Variants in DRC1 observed in about 807,000 individuals in gnomAD.
The protein encoded by DRC1 is dynein regulatory complex protein 1.
Under a neutral mutation model 98.7 loss-of-function variants are expected in DRC1, and 74 were observed. That is an observed-to-expected ratio of 0.75 (90% CI 0.62 to 0.91). The LOEUF is 0.91. Ranked by LOEUF, DRC1 falls within the 40% of genes least tolerant of loss-of-function variation. The pLI is 0.00. For synonymous variants in DRC1, 336 were observed against 334.1 expected (o/e 1.01, Z -0.06); for missense variants, 875 against 886.0 (o/e 0.99, Z 0.16).
At chr2:26,426,733 G>T (rs1252431454) in intron 4 of DRC1, among the ~76,000 whole-genome samples, 2 of 152,082 alleles carry the variant, frequency 1.3e-5, no homozygotes, top group Non-Finnish European at 2.9e-5. Flanking sequence ...GACTATTTTG[G>T]CAATTTGGAG....
chr2:26,431,565 T>A (rs1016142133), intron 6 of DRC1, among the ~76,000 whole-genome samples: 1 of 152,238 alleles, frequency 6.6e-6, no homozygotes, highest in Non-Finnish European at 1.5e-5. Context: ...ATAGACTTTT[T>A]AGAAATATAA....
chr2:26,405,741 A>G (rs1422782874), intron 1 of DRC1, among the ~76,000 whole-genome samples: 1 of 141,930 alleles, frequency 7.0e-6, no homozygotes, highest in East Asian at 2.1e-4. Context: ...GCTTACTGCA[A>G]TCTCCACCTC....
chr2:26,434,084 A>T (rs1403085779), intron 7 of DRC1, among the ~76,000 whole-genome samples: 1 of 152,244 alleles, frequency 6.6e-6, no homozygotes, highest in Non-Finnish European at 1.5e-5. Flanking sequence ...CATGCAGCTC[A>T]ACATCAAATT....
At chr2:26,430,427 A>C (rs1663401572) in intron 5 of DRC1, 1 of 449,206 alleles carries the variant, frequency 2.2e-6, no homozygotes, top group Admixed American at 2.5e-5. Flanking sequence ...GGGATCCCCA[A>C]CCATGGCAAC....
At position 26,440,530 on chromosome 2, in the gene DRC1, G is replaced by A. The variant is rs1282982368; in HGVS notation, c.1028+13G>A. 1.2e-6 allele frequency: 2 copies of A among 1,606,818 alleles called. No homozygotes were observed. Among genetic ancestry groups the A allele is most frequent in the East Asian group, 4.5e-5 (2 of 44,776 alleles). ...GGAAGATCAATCGGTAAGCTAGCAT[G>A]CAGAGCGTCTTTCTTCTGGGCCTTC... On this transcript the variant is annotated intron_variant, in intron 8 of 16. Coordinates refer to ENST00000288710, the MANE Select transcript of DRC1 (RefSeq NM_145038.5).
At chr2:26,416,856 G>C (rs1424123321) in intron 2 of DRC1, among the ~76,000 whole-genome samples, 1 of 152,098 alleles carries the variant, frequency 6.6e-6, no homozygotes, top group Non-Finnish European at 1.5e-5. Flanking sequence ...GGTTTAATTG[G>C]CTCATGGTTC....
At chr2:26,430,957 T>TC (rs1663420679) in intron 6 of DRC1, 85 bp downstream of exon 6, 1 of 712,004 alleles carries the variant, frequency 1.4e-6, no homozygotes, top group Non-Finnish European at 2.1e-6. Flanking sequence ...CCTTTTTCTA[T>TC]CTTTTTTTTT....
intron 1 of DRC1, among the ~76,000 whole-genome samples, chr2:26,410,132 T>C (rs190282484): frequency 6.0e-5 from 9 of 151,002 alleles, no homozygotes; most frequent in African/African-American, 1.7e-4. Flanking sequence ...ATAGAGCTCT[T>C]AGAAATAAAA....
At chr2:26,436,961 G>A (rs894559256) in intron 7 of DRC1, among the ~76,000 whole-genome samples, 3 of 152,184 alleles carry the variant, frequency 2.0e-5, no homozygotes, top group African/African-American at 4.8e-5. Context: ...GTGCTCATAC[G>A]TTCTCAGATG....
rs761559151 is a variant in DRC1, at chr2:26,454,668, G to A, written c.1941G>A (p.Arg647=). 6.2e-7 allele frequency: 1 copy of A among 1,614,108 alleles called. No homozygotes were observed. Among genetic ancestry groups the A allele is most frequent in the Admixed American group, 1.7e-5 (1 of 60,022 alleles). Residue 647 remains arginine, a synonymous_variant, in exon 15 of 17, where the codon AGG becomes AGA. Transcript: ENST00000288710. The surrounding 1 kb of genome is among the most constrained non-coding windows in gnomAD (Gnocchi z 5.2). ...KKPRDSRAPL[R]VQKNVRDNSK... is the part of the protein sequence containing the mutation. ...TCAGGGACTCGCGGGCCCCGCTGAG[G>A]GTACAGAAGAATGTGCGTGACAACT...
intron 11 of DRC1, among the ~76,000 whole-genome samples, 178 bp from the exon 12 acceptor site, chr2:26,449,818 A>AG (rs1663953314): frequency 6.6e-6 from 1 of 151,476 alleles, no homozygotes; most frequent in Admixed American, 6.6e-5. Flanking sequence ...CTCCCTGGGG[A>AG]GGGGGGCGTT....
chr2:26,413,344 G>C (rs560160564), intron 1 of DRC1, among the ~76,000 whole-genome samples: 2 of 152,154 alleles, frequency 1.3e-5, no homozygotes, highest in African/African-American at 4.8e-5. Flanking sequence ...ACTTGTAAAG[G>C]CTTTCTGTAA....
rs191048536 is a variant in DRC1 at position 26,423,213 on chromosome 2, G to C, written c.357-1058G>C. ...CTCTAGCCACAGAGGAATGCTGAAG[G>C]TCCCAGGTGGCAGGTTACAAGGTCA... On this transcript the variant is annotated intron_variant, in intron 3 of 16. Transcript: ENST00000288710. Among the ~76,000 whole-genome samples the C allele has an allele frequency of 7.8e-3, 1,191 of 152,262 alleles. 8 individuals are homozygous for C. Among genetic ancestry groups the C allele is most frequent in the Non-Finnish European group, 0.011 (764 of 68,014 alleles).
intron 7 of DRC1, among the ~76,000 whole-genome samples, chr2:26,440,081 A>G (rs1465421033): frequency 6.6e-6 from 1 of 150,684 alleles, no homozygotes; most frequent in Non-Finnish European, 1.5e-5. Flanking sequence ...TTCTTTTTAT[A>G]TTACTTCCAG....
chr2:26,448,726 G>C lies in DRC1; in HGVS notation c.1432G>C (p.Glu478Gln). 6.2e-7 allele frequency: 1 copy of C among 1,614,220 alleles called. No homozygotes were observed. The highest frequency in any genetic ancestry group is 8.5e-7 in the Non-Finnish European group (1 of 1,180,056). The change falls in exon 11 of 17, where the codon GAG becomes CAG. Residue 478 changes from glutamate to glutamine, a missense_variant. Glu to Gln is a conservative substitution (Grantham distance 29). Transcript: ENST00000288710. ...EEAEEAAAEP[E>Q]SYLDLPKQIS... ...GGCAGAAGAGGCCGCCGCGGAACCA[G>C]AGTCCTACCTGGATTTGCCGAAGCA...
chr2:26,450,523 T>G, intron 12 of DRC1, 69 bp from the exon 13 acceptor site: 2 of 1,396,210 alleles, frequency 1.4e-6, no homozygotes, highest in East Asian at 4.7e-5. Flanking sequence ...GAGCTGAGCA[T>G]CTGTCAGCTG....
intron 2 of DRC1, among the ~76,000 whole-genome samples, chr2:26,417,665 C>G (rs1407038577): frequency 6.6e-6 from 1 of 152,174 alleles, no homozygotes; most frequent in Non-Finnish European, 1.5e-5. Context: ...ATTTTAGAAT[C>G]AGCTTGTCAA....
At chr2:26,429,566 G>C in intron 4 of DRC1, 62 bp from the exon 5 acceptor site, 5 of 1,589,470 alleles carry the variant, frequency 3.1e-6, no homozygotes, top group Non-Finnish European at 4.3e-6. Flanking sequence ...TCTAGAGAGA[G>C]TGTTTGGCAC....
intron 7 of DRC1, among the ~76,000 whole-genome samples, chr2:26,432,951 C>G (rs1663473874): frequency 6.6e-6 from 1 of 152,216 alleles, no homozygotes; most frequent in Non-Finnish European, 1.5e-5. Flanking sequence ...CAAACAGCCC[C>G]TTGACTGATG....
Sources: allele counts gnomAD v4.1 joint callset (sites outside exome capture counted in the v4.1 genomes callset), GRCh38; gene constraint gnomAD v4.1.1; non-coding constraint Gnocchi (gnomAD v3.1); transcripts MANE v1.5; gene names NCBI Gene and HGNC (gene_info 2026-07-23, HGNC 2026-07-21).